Variants in TBC1D4 observed in about 807,000 individuals in gnomAD.
TBC1D4 encodes the protein TBC (Tre-2, BUB2, CDC16) domain-containing protein.
TBC1D4 carries 121 observed loss-of-function variants against 142.5 expected under a neutral mutation model. The ratio of observed to expected loss-of-function variants is 0.85; its 90% CI spans 0.73 to 0.99. TBC1D4 has a LOEUF of 0.99. Among genes scored for constraint, TBC1D4 ranks in the 50% least tolerant of loss-of-function variants. TBC1D4 has a pLI of 0.00. For synonymous variants in TBC1D4, 630 were observed against 628.2 expected (o/e 1.00, Z -0.04); for missense variants, 1,475 against 1,606.6 (o/e 0.92, Z 1.40).
chr13:75,384,143 C>T (rs1352873582), intron 1 of TBC1D4, among the ~76,000 whole-genome samples: 5 of 152,048 alleles, frequency 3.3e-5, no homozygotes, highest in Admixed American at 6.6e-5. Context: ...TATCTCCAGG[C>T]CAGGTGCAGT....
chr13:75,386,432 A>C (rs182294864), intron 1 of TBC1D4, among the ~76,000 whole-genome samples: 328 of 146,544 alleles, frequency 2.2e-3, no homozygotes, highest in African/African-American at 8.2e-3. Context: ...ACTGTCACCC[A>C]GGCTGGAGTG....
chr13:75,462,800 C>T (rs1301103442), intron 1 of TBC1D4, among the ~76,000 whole-genome samples: 2 of 152,060 alleles, frequency 1.3e-5, no homozygotes, highest in African/African-American at 2.4e-5. Context: ...CCCTCCTTGG[C>T]TCATCACCAT....
chr13:75,469,110 T>C (rs1467320670), intron 1 of TBC1D4, among the ~76,000 whole-genome samples: 1 of 152,118 alleles, frequency 6.6e-6, no homozygotes, highest in East Asian at 1.9e-4. Flanking sequence ...TCGCAAAGAA[T>C]GGCAGTCACA....
Position 75,362,628 on chromosome 13 carries a change from C to T in TBC1D4, c.499-21G>A, listed in dbSNP as rs762004714. 5.6e-6 allele frequency: 9 copies of T among 1,612,844 alleles called. 1 individual carries two copies. The African/African-American group carries it at 1.1e-4, about 19-fold the overall frequency. On this transcript the variant is annotated intron_variant, in intron 1 of 20. Transcript: ENST00000377636. This position sits in a 1 kb window ranked among gnomAD's most constrained non-coding sequence, Gnocchi z 4.2. ...GGAACCTGGGGGAAAAAATTAAAAC[C>T]CTGATTCTAGTTGAAAGTTTTGAGA...
At chr13:75,411,776 G>A (rs1018660726) in intron 1 of TBC1D4, among the ~76,000 whole-genome samples, 1 of 151,868 alleles carries the variant, frequency 6.6e-6, no homozygotes, top group East Asian at 1.9e-4. Context: ...GGCCTCAGGT[G>A]ATCCACCCGC....
chr13:75,308,778 T>G (rs973584791), intron 14 of TBC1D4, among the ~76,000 whole-genome samples: 6 of 152,214 alleles, frequency 3.9e-5, no homozygotes, highest in African/African-American at 1.4e-4. Flanking sequence ...AACTGAACTT[T>G]TAAAATTATG....
chr13:75,328,588 G>C (rs1404530955), intron 8 of TBC1D4, among the ~76,000 whole-genome samples: 1 of 152,026 alleles, frequency 6.6e-6, no homozygotes, highest in South Asian at 2.1e-4. Flanking sequence ...AGTCAGGTTG[G>C]GAACCTCATC....
At chr13:75,293,085 G>A (rs1429456956) in intron 18 of TBC1D4, among the ~76,000 whole-genome samples, 1 of 152,172 alleles carries the variant, frequency 6.6e-6, no homozygotes, top group Non-Finnish European at 1.5e-5. Context: ...AACCCAGGAG[G>A]CAGAGGTTGC....
chr13:75,405,725 G>A (rs1165968970), intron 1 of TBC1D4, among the ~76,000 whole-genome samples: 1 of 151,998 alleles, frequency 6.6e-6, no homozygotes, highest in African/African-American at 2.4e-5. Context: ...CCAAAAAAAG[G>A]TTGTAAATAA....
intron 1 of TBC1D4, among the ~76,000 whole-genome samples, chr13:75,427,182 G>T (rs1325213022): frequency 6.6e-6 from 1 of 151,856 alleles, no homozygotes; most frequent in East Asian, 1.9e-4. Flanking sequence ...CCGCCTCCCA[G>T]GTTCACACCA....
At chr13:75,439,967 T>C (rs1886967614) in intron 1 of TBC1D4, among the ~76,000 whole-genome samples, 1 of 152,224 alleles carries the variant, frequency 6.6e-6, no homozygotes. Flanking sequence ...CTATAAACAG[T>C]ACCTTTTATG....
At chr13:75,472,176 G>C (rs965544615) in intron 1 of TBC1D4, among the ~76,000 whole-genome samples, 2 of 151,332 alleles carry the variant, frequency 1.3e-5, no homozygotes, top group Non-Finnish European at 2.9e-5. Context: ...TGTAATCCCA[G>C]CATTTTGGGA....
At chr13:75,317,491 T>TA (rs1390550228) in intron 12 of TBC1D4, among the ~76,000 whole-genome samples, 2 of 152,130 alleles carry the variant, frequency 1.3e-5, no homozygotes, top group Non-Finnish European at 2.9e-5. Context: ...AAGGACCAAA[T>TA]AAAAAAACAC....
intron 19 of TBC1D4, among the ~76,000 whole-genome samples, chr13:75,289,519 G>C (rs565490703): frequency 6.6e-6 from 1 of 152,028 alleles, no homozygotes; most frequent in African/African-American, 2.4e-5. Context: ...TTATGTTAGA[G>C]ATAATCTCTG....
At chr13:75,377,727 G>T (rs1883599754) in intron 1 of TBC1D4, among the ~76,000 whole-genome samples, 1 of 148,292 alleles carries the variant, frequency 6.7e-6, no homozygotes, top group Admixed American at 6.8e-5. Flanking sequence ...TTTTCTGATT[G>T]GTCTTTATCA....
intron 1 of TBC1D4, among the ~76,000 whole-genome samples, chr13:75,399,465 G>A (rs116315412): frequency 0.02 from 2,986 of 151,998 alleles, 97 homozygotes; most frequent in African/African-American, 0.067. Flanking sequence ...TGGGGGGCTG[G>A]GGGACAAATA....
chr13:75,314,064 A>C (rs1878045625), intron 12 of TBC1D4, among the ~76,000 whole-genome samples: 1 of 152,226 alleles, frequency 6.6e-6, no homozygotes, highest in South Asian at 2.1e-4. Flanking sequence ...TTCCTAAAAA[A>C]GACCACTTTG....
intron 9 of TBC1D4, 41 bp downstream of exon 9, chr13:75,327,711 T>C (rs772591969): frequency 8.2e-6 from 13 of 1,591,324 alleles, no homozygotes; most frequent in South Asian, 5.6e-5. Context: ...GTGCTGACTT[T>C]GTTAAGTTGC....
chr13:75,381,421 T>C lies in TBC1D4; in HGVS notation c.499-18814A>G, dbSNP rs1021551540. Among the ~76,000 whole-genome samples the C allele has an allele frequency of 2.6e-5, 4 of 152,316 alleles. No individual in the cohort carries two copies. In the East Asian group the frequency reaches 5.8e-4, roughly 22 times the overall value. On this transcript the variant is annotated intron_variant, in intron 1 of 20. Coordinates refer to ENST00000377636, the MANE Select transcript of TBC1D4 (RefSeq NM_014832.5). ...TTTAAACAAATTGTAAGGGGTAATA[T>C]ATTTGCCTATATCAAGTAATAGGAT...
Sources: gnomAD v4.1 joint callset for allele counts (sites outside exome capture counted in the v4.1 genomes callset) on GRCh38, gnomAD v4.1.1 for gene constraint, Gnocchi (gnomAD v3.1) non-coding constraint, MANE v1.5 for transcripts, NCBI Gene and HGNC (gene_info 2026-07-23, HGNC 2026-07-21) for gene names.